Variants in LAPTM4B observed in about 807,000 individuals in gnomAD.
LAPTM4B encodes the protein lysosomal-associated transmembrane protein 4B.
Under a neutral mutation model 28.5 loss-of-function variants are expected in LAPTM4B, and 26 were observed. The observed-to-expected ratio is 0.91, with a 90% CI of 0.67 to 1.27. The LOEUF is 1.27. Ranked by LOEUF, LAPTM4B falls within the 50% of genes most tolerant of loss-of-function variation. The pLI is 0.00. For missense variants in LAPTM4B, 288 were observed against 285.8 expected (o/e 1.01, Z -0.06); for synonymous variants, 109 against 106.4 (o/e 1.02, Z -0.15).
chr8:97,829,727 T>G (rs907935874), intron 6 of LAPTM4B, among the ~76,000 whole-genome samples: 1 of 151,720 alleles, frequency 6.6e-6, no homozygotes, highest in African/African-American at 2.4e-5. Flanking sequence ...AGTCTTGCTC[T>G]GTAGCCCAAG....
Position 97,805,478 on chromosome 8 carries a change from A to G in LAPTM4B, c.211+14A>G. On this transcript the variant is annotated intron_variant, in intron 2 of 6. Transcript: ENST00000521545. ...TGGATGATGCCAGTAAGTAGTAGAT[A>G]TTTGGGTATTTTCAAGGGCAGGGAA... 1 of 1,387,394 alleles carries G rather than the reference A, an allele frequency of 7.2e-7. No homozygotes were observed. 85.9% of individuals were successfully genotyped at this position (1,387,394 alleles called of 1,614,324 possible).
intron 1 of LAPTM4B, among the ~76,000 whole-genome samples, chr8:97,781,278 C>CTTTGTTTTTTTTTTTT (rs1816307243): frequency 2.0e-5 from 1 of 50,820 alleles, no homozygotes; most frequent in African/African-American, 1.1e-4. Flanking sequence ...TGTGCCCGGC[C>CTTTGTTTTTTTTTTTT]TTTTTTTTTT....
At chr8:97,845,342 A>G (rs1349046157) in intron 6 of LAPTM4B, among the ~76,000 whole-genome samples, 1 of 144,836 alleles carries the variant, frequency 6.9e-6, no homozygotes, top group African/African-American at 2.6e-5. Flanking sequence ...TTTGATCCTA[A>G]GTTGTTTTTT....
At chr8:97,834,915 G>A (rs1817238443) in intron 6 of LAPTM4B, among the ~76,000 whole-genome samples, 1 of 152,070 alleles carries the variant, frequency 6.6e-6, no homozygotes, top group African/African-American at 2.4e-5. Context: ...TTTTGGTTTC[G>A]GCTTTTTAAA....
intron 6 of LAPTM4B, among the ~76,000 whole-genome samples, chr8:97,825,558 T>TA (rs1335790538): frequency 6.6e-6 from 1 of 152,194 alleles, no homozygotes; most frequent in Admixed American, 6.5e-5. Flanking sequence ...TACAGGTAGG[T>TA]AAAAAAGAAC....
chr8:97,849,725 A>T (rs1453861265), intron 6 of LAPTM4B, among the ~76,000 whole-genome samples: 1 of 151,500 alleles, frequency 6.6e-6, no homozygotes. Context: ...CCTTGCAGAT[A>T]CTCCTCCTTC....
chr8:97,779,714 G>T (rs1003856861), intron 1 of LAPTM4B, among the ~76,000 whole-genome samples: 1 of 150,060 alleles, frequency 6.7e-6, no homozygotes, highest in Admixed American at 6.7e-5. Flanking sequence ...GAACTCTGGA[G>T]GTGGAAAGTC....
intron 6 of LAPTM4B, among the ~76,000 whole-genome samples, chr8:97,847,928 G>C (rs745823834): frequency 6.6e-6 from 1 of 152,130 alleles, no homozygotes; most frequent in Non-Finnish European, 1.5e-5. Context: ...TTGGATTAAG[G>C]GTCCAAGGCA....
chr8:97,775,911 C>A lies in LAPTM4B; in HGVS notation c.-99C>A. On this transcript the variant is annotated 5_prime_UTR_variant, in exon 1 of 7. Transcript: ENST00000521545. ...CGGGCGAGCGGGCCGGGAGCCGGAG[C>A]GGCGGAGGAGCCGGCAGCAGCGGCG... is the stretch of plus-strand genomic sequence containing the variant. The A allele has an allele frequency of 7.4e-7, 1 of 1,360,066 alleles. No individual in the cohort carries two copies. The highest frequency in any genetic ancestry group is 1.5e-5 in the South Asian group (1 of 68,222). The allele number at this position is 1,360,066 out of a possible 1,614,324, so 84.2% of individuals were successfully genotyped here.
chr8:97,786,711 A>C (rs561302037), intron 1 of LAPTM4B, among the ~76,000 whole-genome samples: 3 of 151,096 alleles, frequency 2.0e-5, no homozygotes, highest in African/African-American at 7.3e-5. Flanking sequence ...GAAAAAAAAA[A>C]AAAAAACCAT....
chr8:97,816,938 TA>T (rs71271158), intron 4 of LAPTM4B, among the ~76,000 whole-genome samples: 1 of 150,822 alleles, frequency 6.6e-6, no homozygotes, highest in African/African-American at 2.4e-5. Context: ...AGATCTCATC[TA>T]AAAAAAAAGA....
chr8:97,839,749 T>C lies in LAPTM4B; in HGVS notation c.604-11648T>C, dbSNP rs149160187. 4.9e-3 allele frequency among the ~76,000 whole-genome samples: 741 copies of C among 152,354 alleles called. 9 individuals are homozygous for C. The highest frequency in any genetic ancestry group is 0.017 in the African/African-American group (713 of 41,572). On this transcript the variant is annotated intron_variant, in intron 6 of 6. Coordinates refer to ENST00000521545, the MANE Select transcript of LAPTM4B (RefSeq NM_018407.6). ...TAGTTTTCGTTGTGAACCATTTTAC[T>C]ATAAAACACACACACAACTTATTTA...
chr8:97,825,008 T>C (rs750733126), intron 5 of LAPTM4B, 50 bp from the exon 6 acceptor site: 4 of 1,006,598 alleles, frequency 4.0e-6, no homozygotes, highest in Non-Finnish European at 6.4e-6. Context: ...GTATTCTAAA[T>C]TACCTGCAGT....
intron 6 of LAPTM4B, among the ~76,000 whole-genome samples, chr8:97,834,320 G>A (rs6994620): frequency 0.33 from 50,607 of 151,432 alleles, 10,074 homozygotes; most frequent in Non-Finnish European, 0.46. Flanking sequence ...AAAAGGGAGC[G>A]CTATTAATGT....
intron 1 of LAPTM4B, among the ~76,000 whole-genome samples, chr8:97,798,097 G>A (rs576379030): frequency 1.4e-3 from 215 of 152,328 alleles, no homozygotes; most frequent in African/African-American, 4.6e-3. Context: ...AAGCCTGAGC[G>A]TCGTCTTGGT....
At chr8:97,793,528 A>G (rs1184908205) in intron 1 of LAPTM4B, among the ~76,000 whole-genome samples, 1 of 152,222 alleles carries the variant, frequency 6.6e-6, no homozygotes, top group African/African-American at 2.4e-5. Flanking sequence ...GGATTGTTCA[A>G]ATGAATCTTC....
At chr8:97,849,755 C>A (rs1382024759) in intron 6 of LAPTM4B, among the ~76,000 whole-genome samples, 3 of 152,186 alleles carry the variant, frequency 2.0e-5, no homozygotes, top group African/African-American at 7.2e-5. Context: ...CCCTGTTCAG[C>A]CAGGCCAGTA....
chr8:97,787,575 T>A (rs1816423948), intron 1 of LAPTM4B, among the ~76,000 whole-genome samples: 1 of 152,188 alleles, frequency 6.6e-6, no homozygotes, highest in Non-Finnish European at 1.5e-5. Context: ...TGAACCATTG[T>A]GCTTGGCCGA....
At position 97,799,323 on chromosome 8, in the gene LAPTM4B, A is replaced by G. The variant is rs568224872; in HGVS notation, c.100-6030A>G. On this transcript the variant is annotated intron_variant, in intron 1 of 6. Coordinates refer to ENST00000521545, the MANE Select transcript of LAPTM4B (RefSeq NM_018407.6). Reference sequence around the variant, plus strand: ...GCTTTCTAGAATTGGGCAACACTTCATCTCATAAAATAGAGTATCCTGTGA... The same window carrying G: ...GCTTTCTAGAATTGGGCAACACTTCGTCTCATAAAATAGAGTATCCTGTGA... 9.2e-5 allele frequency among the ~76,000 whole-genome samples: 14 copies of G among 152,328 alleles called. No homozygotes were observed. The East Asian group carries it at 2.7e-3, about 29-fold the overall frequency.
Sources: gnomAD v4.1 joint callset for allele counts (sites outside exome capture counted in the v4.1 genomes callset) on GRCh38, gnomAD v4.1.1 for gene constraint, MANE v1.5 for transcripts, NCBI Gene and HGNC (gene_info 2026-07-23, HGNC 2026-07-21) for gene names.